UTRN: variants seen among roughly 807,000 people sequenced by gnomAD.
The protein encoded by UTRN is dystrophin-related protein 1.
A neutral mutation model predicts 463.9 loss-of-function variants in UTRN; 283 were observed. The observed-to-expected ratio is 0.61, with a 90% confidence interval of 0.55 to 0.67. The LOEUF (loss-of-function observed/expected upper bound fraction) is 0.67, where lower values mean the gene tolerates loss of function less well. UTRN is among the 30% of genes least tolerant of loss of function. The probability of loss-of-function intolerance (pLI) is 0.00; values close to 1 mark genes in which losing one functional copy is unlikely to be tolerated. For missense variants in UTRN, 3,922 were observed against 4,084.3 expected, an observed-to-expected ratio of 0.96 and a Z score of 1.08; for synonymous variants, 1,442 against 1,431.5, an observed-to-expected ratio of 1.01 and a Z score of -0.17.
At chr6:144,401,863 C>A (rs1243175716) in intron 2 of UTRN, among the ~76,000 whole-genome samples, 14 of 152,136 alleles carry the variant, frequency 9.2e-5, no homozygotes, top group Non-Finnish European at 2.1e-4. Context: ...GAGGGCCAAG[C>A]ACACCTGGGC....
intron 51 of UTRN, among the ~76,000 whole-genome samples, chr6:144,586,603 G>T (rs929352205): frequency 1.3e-5 from 2 of 152,022 alleles, no homozygotes; most frequent in Admixed American, 6.6e-5. Flanking sequence ...TTACTTTGGG[G>T]TGTTTTATAT....
intron 65 of UTRN, among the ~76,000 whole-genome samples, chr6:144,819,872 C>T (rs1032210398): frequency 2.2e-5 from 3 of 135,824 alleles, no homozygotes; most frequent in African/African-American, 6.0e-5. Context: ...TTCTCCTCCT[C>T]CGCCGCCTCC....
chr6:144,760,401 A>G (rs373093251), intron 58 of UTRN, among the ~76,000 whole-genome samples: 12 of 152,318 alleles, frequency 7.9e-5, no homozygotes, highest in African/African-American at 2.4e-4. Context: ...CTCCATCACC[A>G]GTAAAAGATC....
chr6:144,610,419 C>T (rs2141285), intron 51 of UTRN, among the ~76,000 whole-genome samples: 1 of 152,080 alleles, frequency 6.6e-6, no homozygotes, highest in South Asian at 2.1e-4. Flanking sequence ...AAGATTGAAT[C>T]AGTAATAAAA....
chr6:144,528,622 C>T (rs531113434), intron 41 of UTRN, among the ~76,000 whole-genome samples: 1 of 152,332 alleles, frequency 6.6e-6, no homozygotes. Context: ...TGGGAAGTGT[C>T]TGCAAAGAGT....
intron 21 of UTRN, among the ~76,000 whole-genome samples, chr6:144,459,616 A>G (rs560801201): frequency 2.2e-4 from 33 of 151,948 alleles, no homozygotes; most frequent in Non-Finnish European, 4.3e-4. Context: ...TTTTGTAGCT[A>G]CAGGATCTCA....
chr6:144,320,767 G>A (rs947995383), intron 2 of UTRN, among the ~76,000 whole-genome samples: 1 of 152,178 alleles, frequency 6.6e-6, no homozygotes, highest in Non-Finnish European at 1.5e-5. Flanking sequence ...TTTCAGTCGT[G>A]GTCTGAGCTT....
intron 2 of UTRN, among the ~76,000 whole-genome samples, chr6:144,321,141 TAAG>T (rs995710516): frequency 3.3e-5 from 5 of 152,204 alleles, no homozygotes; most frequent in African/African-American, 1.2e-4. Flanking sequence ...ATTGTAGTGA[TAAG>T]AAGAGTAGCT....
At chr6:144,506,754 TGAG>T (rs1347933240) in intron 34 of UTRN, among the ~76,000 whole-genome samples, 1 of 152,122 alleles carries the variant, frequency 6.6e-6, no homozygotes, top group Non-Finnish European at 1.5e-5. Flanking sequence ...TTGCTCTTCT[TGAG>T]GAGGAGTATC....
At chr6:144,533,331 C>T in intron 43 of UTRN, 71 bp downstream of exon 43, 1 of 1,548,546 alleles carries the variant, frequency 6.5e-7, no homozygotes. Context: ...AAGATGCAAT[C>T]TAATGAGTTC....
At chr6:144,524,131 T>G (rs1414267157) in intron 41 of UTRN, among the ~76,000 whole-genome samples, 5 of 152,238 alleles carry the variant, frequency 3.3e-5, no homozygotes, top group African/African-American at 4.8e-5. Context: ...TTTTCTATTT[T>G]AGCCTACATA....
At chr6:144,293,716 A>G (rs750964991) in intron 2 of UTRN, among the ~76,000 whole-genome samples, 8 of 152,276 alleles carry the variant, frequency 5.3e-5, no homozygotes, top group Admixed American at 2.0e-4. Flanking sequence ...TGTGTAATTC[A>G]CAAAAGGATG....
chr6:144,841,362 CCAAA>C (rs1361900105), intron 73 of UTRN, among the ~76,000 whole-genome samples: 4 of 152,262 alleles, frequency 2.6e-5, no homozygotes, highest in African/African-American at 7.2e-5. Flanking sequence ...TGTATAAAGG[CCAAA>C]CAATTTAAGT....
At chr6:144,387,328 A>T (rs770297745) in intron 2 of UTRN, among the ~76,000 whole-genome samples, 11 of 151,978 alleles carry the variant, frequency 7.2e-5, no homozygotes, top group Admixed American at 1.3e-4. Context: ...TTTTTAGTAG[A>T]GATGGTGTTT....
intron 2 of UTRN, among the ~76,000 whole-genome samples, chr6:144,366,496 C>G (rs549397252): frequency 4.6e-5 from 7 of 152,252 alleles, no homozygotes; most frequent in African/African-American, 1.4e-4. Context: ...TGAGAACATG[C>G]GGTATTTGAT....
Position 144,426,400 on chromosome 6 carries a change from C to G in UTRN, c.519C>G (p.Leu173=), listed in dbSNP as rs1447710328. The change falls in exon 7 of 75, where the codon CTC becomes CTG. Residue 173 remains leucine (L), a synonymous_variant. Transcript: ENST00000367545. ...GGCCCTACAGCCAAGTCAACGTCCT[C>G]AACTTCACCACCAGCTGGACAGATG... ...TTRPYSQVNV[L]NFTTSWTDGL... The G allele has an allele frequency of 6.2e-7, 1 of 1,614,074 alleles. No homozygotes were observed. Among genetic ancestry groups the G allele is most frequent in the Non-Finnish European group, 8.5e-7 (1 of 1,180,046 alleles).
intron 2 of UTRN, among the ~76,000 whole-genome samples, chr6:144,376,860 C>T (rs534691567): frequency 4.1e-4 from 62 of 152,192 alleles, no homozygotes; most frequent in Admixed American, 8.5e-4. Flanking sequence ...AACTTTATTA[C>T]TTGGTTTATA....
chr6:144,524,031 G>A (rs538434706), intron 41 of UTRN, among the ~76,000 whole-genome samples: 33 of 152,288 alleles, frequency 2.2e-4, no homozygotes, highest in African/African-American at 7.9e-4. Context: ...AGTGGAAAGC[G>A]CTGTATAAGA....
intron 2 of UTRN, among the ~76,000 whole-genome samples, chr6:144,371,082 C>T (rs999697405): frequency 3.3e-5 from 5 of 152,252 alleles, no homozygotes; most frequent in Admixed American, 2.6e-4. Context: ...ACTTATTCTA[C>T]ACCTCTCATG....
Sources: gnomAD v4.1 joint callset for allele counts (sites outside exome capture counted in the v4.1 genomes callset) on GRCh38, gnomAD v4.1.1 for gene constraint, MANE v1.5 for transcripts, NCBI Gene and HGNC (gene_info 2026-07-23, HGNC 2026-07-21) for gene names.